ELAVL2: variants seen among roughly 807,000 people sequenced by gnomAD.
The protein encoded by ELAVL2 is ELAV-like protein 2.
A neutral mutation model predicts 34.6 loss-of-function variants in ELAVL2; 4 were observed. That is an observed-to-expected ratio of 0.12 (90% CI 0.06 to 0.26). The LOEUF (loss-of-function observed/expected upper bound fraction) is 0.26, where lower values mean the gene tolerates loss of function less well. Among genes scored for constraint, ELAVL2 ranks in the 10% least tolerant of loss-of-function variants. The pLI, the probability that ELAVL2 is intolerant of heterozygous loss-of-function variation, is 1.00. For missense variants in ELAVL2, 432 were observed against 442.8 expected (o/e 0.98, Z 0.22); for synonymous variants, 193 against 154.8 (o/e 1.25, Z -1.83).
At chr9:23,721,997 A>T (rs1447293947) in intron 3 of ELAVL2, among the ~76,000 whole-genome samples, 1 of 152,216 alleles carries the variant, frequency 6.6e-6, no homozygotes, top group African/African-American at 2.4e-5. Flanking sequence ...ATAGCCCCCG[A>T]ATTGTTCAAG....
At chr9:23,744,609 TCTA>T (rs1268611048) in intron 2 of ELAVL2, among the ~76,000 whole-genome samples, 2 of 152,238 alleles carry the variant, frequency 1.3e-5, no homozygotes, top group African/African-American at 4.8e-5. Context: ...TATTAAGGAT[TCTA>T]CTTAGATTAT....
At chr9:23,762,334 C>T (rs1012595621) in intron 1 of ELAVL2, 85 bp from the exon 2 acceptor site, 1 of 1,511,828 alleles carries the variant, frequency 6.6e-7, no homozygotes, top group Non-Finnish European at 8.9e-7. Flanking sequence ...ACACTTGTCA[C>T]TAAACACAAG....
chr9:23,770,812 G>A (rs1172935965), intron 1 of ELAVL2, among the ~76,000 whole-genome samples: 4 of 152,176 alleles, frequency 2.6e-5, no homozygotes, highest in African/African-American at 4.8e-5. Flanking sequence ...TAAATTTAAA[G>A]TAATTTGTTA....
chr9:23,794,378 C>CA (rs2060666454), intron 1 of ELAVL2, among the ~76,000 whole-genome samples: 1 of 152,200 alleles, frequency 6.6e-6, no homozygotes, highest in Non-Finnish European at 1.5e-5. Context: ...CCACTTTCTA[C>CA]AACAGATTGA....
chr9:23,734,342 C>T (rs1042050013), intron 2 of ELAVL2, among the ~76,000 whole-genome samples: 1 of 152,142 alleles, frequency 6.6e-6, no homozygotes, highest in Admixed American at 6.5e-5. Flanking sequence ...ATTGTAGCTT[C>T]ACATTAACCA....
At chr9:23,816,388 A>ATATT (rs2063728401) in intron 1 of ELAVL2, among the ~76,000 whole-genome samples, 4 of 146,728 alleles carry the variant, frequency 2.7e-5, no homozygotes, top group Admixed American at 2.7e-4. Context: ...TATTGCTTTG[A>ATATT]TATTTATAAA....
intron 1 of ELAVL2, among the ~76,000 whole-genome samples, chr9:23,817,773 G>T (rs1410130765): frequency 1.3e-5 from 2 of 152,140 alleles, no homozygotes; most frequent in Non-Finnish European, 2.9e-5. Context: ...AAATTTACTA[G>T]TGAAAAATGT....
At chr9:23,848,265 C>A in the ELAVL2 span, among the ~76,000 whole-genome samples, 2 of 152,062 alleles carry the variant, frequency 1.3e-5, no homozygotes, top group Non-Finnish European at 2.9e-5. Flanking sequence ...TACCTGTGGT[C>A]TATGGATATT....
At chr9:23,844,177 A>G in the ELAVL2 span, among the ~76,000 whole-genome samples, 1 of 151,986 alleles carries the variant, frequency 6.6e-6, no homozygotes, top group South Asian at 2.1e-4. Flanking sequence ...CTGTGCTCCT[A>G]AAAGTACTTT....
At chr9:23,793,111 A>G (rs1392585861) in intron 1 of ELAVL2, among the ~76,000 whole-genome samples, 1 of 152,098 alleles carries the variant, frequency 6.6e-6, no homozygotes, top group Non-Finnish European at 1.5e-5. Flanking sequence ...TTGTTGTGAC[A>G]ATTTGGAATG....
rs190640430 is a variant in ELAVL2 at position 23,705,013 on chromosome 9, C to T, written c.392G>A (p.Gly131Glu). Residue 131 changes from glycine (G) to glutamate (E), a missense_variant, in exon 4 of 7, where the codon GGA (glycine) becomes GAA (glutamate). By Grantham distance (98) the Gly-to-Glu change is moderately conservative. Around this residue, in one of 3 missense-constraint regions of ELAVL2, gnomAD observed 295 missense variants for 306.1 expected, o/e 0.96. Coordinates refer to ENST00000397312, the MANE Select transcript of ELAVL2 (RefSeq NM_004432.5). ...CTTCTGGGTCATTGTTTTTGGAAGT[C>T]CGCTGACATATAAATTTGCATCTCT... Reference protein sequence around the residue: ...SIRDANLYVSGLPKTMTQKEL... With the variant: ...SIRDANLYVSELPKTMTQKEL... 1 of 1,614,070 alleles carries T rather than the reference C, an allele frequency of 6.2e-7. No homozygotes were observed. Among genetic ancestry groups the T allele is most frequent in the East Asian group, 2.2e-5 (1 of 44,858 alleles).
At chr9:23,819,230 A>T (rs2064172827) in intron 1 of ELAVL2, among the ~76,000 whole-genome samples, 1 of 152,226 alleles carries the variant, frequency 6.6e-6, no homozygotes, top group African/African-American at 2.4e-5. Flanking sequence ...CACTCACAGC[A>T]TCATTCTCCC....
chr9:23,726,747 C>T lies in ELAVL2; in HGVS notation c.333+4275G>A, dbSNP rs538168723. Among the ~76,000 whole-genome samples the T allele has an allele frequency of 3.3e-5, 5 of 152,224 alleles. No individual in the cohort carries two copies. The East Asian group carries it at 9.7e-4, about 29-fold the overall frequency. On this transcript the variant is annotated intron_variant, in intron 3 of 6. Coordinates refer to ENST00000397312, the MANE Select transcript of ELAVL2 (RefSeq NM_004432.5). ...TAGTTTGCTAATCATGAATTTAAGT[C>T]TGACACCGTTAACCTAACAAGTCAA...
chr9:23,701,369 C>T lies in ELAVL2; in HGVS notation c.713+10G>A. On this transcript the variant is annotated intron_variant, in intron 5 of 6. Transcript: ENST00000397312. Reference sequence around the variant, plus strand: ...TTAGTAGCTGGGCACAAGAACCAAACCAGACTTACCTAAAACGCTGTGCCT... The same window carrying T: ...TTAGTAGCTGGGCACAAGAACCAAATCAGACTTACCTAAAACGCTGTGCCT... 2.5e-6 allele frequency: 4 copies of T among 1,613,830 alleles called. No homozygotes were observed. Among genetic ancestry groups the T allele is most frequent in the Non-Finnish European group, 3.4e-6 (4 of 1,179,782 alleles).
chr9:23,816,627 G>C (rs1206316324), intron 1 of ELAVL2, among the ~76,000 whole-genome samples: 1 of 152,078 alleles, frequency 6.6e-6, no homozygotes. Flanking sequence ...ACTGTATGGT[G>C]ATATAAAAGT....
At chr9:23,722,911 C>G (rs763314749) in intron 3 of ELAVL2, among the ~76,000 whole-genome samples, 1 of 152,150 alleles carries the variant, frequency 6.6e-6, no homozygotes, top group African/African-American at 2.4e-5. Flanking sequence ...ATCATCTTAA[C>G]TTCACAAGCC....
At position 23,692,071 on chromosome 9, in the gene ELAVL2, G is replaced by A. The variant is rs977678111; in HGVS notation, c.*486C>T. 3 of 153,700 alleles carry A rather than the reference G, an allele frequency of 2.0e-5. No homozygotes were observed. The highest frequency in any genetic ancestry group is 7.3e-5 in the African/African-American group (3 of 41,254). 9.5% of individuals were successfully genotyped at this position (153,700 alleles called of 1,614,324 possible). A position where few individuals can be genotyped will look rare whatever the true frequency, so the allele number is the denominator to read the frequency against. On this transcript the variant is annotated 3_prime_UTR_variant, in exon 7 of 7. Transcript: ENST00000397312. ...TGTTTTAAACTTCATAAATAAAAAT[G>A]TAAACTTCAAAATACTTTTCTTAAA... is the stretch of plus-strand genomic sequence containing the variant.
intron 5 of ELAVL2, among the ~76,000 whole-genome samples, chr9:23,698,470 C>G (rs1289830197): frequency 3.3e-5 from 5 of 152,114 alleles, no homozygotes; most frequent in Admixed American, 3.3e-4. Context: ...ATGGCTCATA[C>G]TTTATGATTA....
chr9:23,772,406 C>G (rs1426686796), intron 1 of ELAVL2, among the ~76,000 whole-genome samples: 9 of 151,888 alleles, frequency 5.9e-5, no homozygotes, highest in Admixed American at 3.9e-4. Flanking sequence ...TTTTAACTCA[C>G]AAATGTTATA....
Sources: allele counts gnomAD v4.1 joint callset (sites outside exome capture counted in the v4.1 genomes callset), GRCh38; gene constraint gnomAD v4.1.1; regional missense constraint gnomAD v4.1.1; transcripts MANE v1.5; gene names NCBI Gene and HGNC (gene_info 2026-07-23, HGNC 2026-07-21).